Variants in ITPRID1 observed in about 807,000 individuals in gnomAD.
ITPRID1 encodes the protein protein ITPRID1.
ITPRID1 carries 96 observed loss-of-function variants against 95.4 expected under a neutral mutation model. That is an observed-to-expected ratio of 1.01 (90% CI 0.85 to 1.19). The LOEUF (loss-of-function observed/expected upper bound fraction) is 1.19. Ranked by LOEUF, ITPRID1 falls within the 50% of genes most tolerant of loss-of-function variation. The probability of loss-of-function intolerance (pLI) is 0.00; values close to 1 mark genes in which losing one functional copy is unlikely to be tolerated. For missense variants in ITPRID1, 1,339 were observed against 1,252.9 expected (o/e 1.07, Z -1.04); for synonymous variants, 510 against 453.6 (o/e 1.12, Z -1.58).
chr7:31,598,484 A>G (rs1376617898), intron 10 of ITPRID1, among the ~76,000 whole-genome samples: 1 of 147,642 alleles, frequency 6.8e-6, no homozygotes, highest in Admixed American at 6.8e-5. Flanking sequence ...GCTCACTGCA[A>G]GCTCCGCCTC....
intron 1 of ITPRID1, among the ~76,000 whole-genome samples, chr7:31,541,805 A>G (rs1783941465): frequency 6.6e-6 from 1 of 152,162 alleles, no homozygotes; most frequent in Admixed American, 6.6e-5. Flanking sequence ...CCATATGGTA[A>G]GATTTTTATA....
intron 10 of ITPRID1, among the ~76,000 whole-genome samples, chr7:31,603,925 C>T (rs1365537931): frequency 4.6e-5 from 7 of 152,208 alleles, no homozygotes; most frequent in East Asian, 3.9e-4. Flanking sequence ...CCTCCAGGAA[C>T]GCTGCTCCCT....
Position 31,643,169 on chromosome 7 carries a change from C to T in ITPRID1, c.1799C>T (p.Pro600Leu). ...CACCACAATGAGTCTCAAAGGTCACCTGGAAATGATCATACTCAAGACAAG... is the reference window on the plus strand; with the variant it reads ...CACCACAATGAGTCTCAAAGGTCACTTGGAAATGATCATACTCAAGACAAG... Reference protein sequence around the residue: ...QSHHNESQRSPGNDHTQDKFL... With the variant: ...QSHHNESQRSLGNDHTQDKFL... Residue 600 changes from proline (P) to leucine (L), a missense_variant, in exon 12 of 15, where the codon CCT becomes CTT. Pro to Leu is a moderately conservative substitution (Grantham distance 98). Transcript: ENST00000615280. 1.2e-6 allele frequency: 2 copies of T among 1,613,966 alleles called. No individual in the cohort carries two copies. Among genetic ancestry groups the T allele is most frequent in the Non-Finnish European group, 1.7e-6 (2 of 1,179,892 alleles).
In ITPRID1 at chr7:31,583,183, G is replaced by C. The variant is rs544905117; in HGVS notation, c.1220G>C (p.Gly407Ala). 6.2e-7 allele frequency: 1 copy of C among 1,608,516 alleles called. No homozygotes were observed. Residue 407 changes from glycine to alanine, a missense_variant, in exon 10 of 15, where the codon GGA (glycine) becomes GCA (alanine). Gly to Ala is a moderately conservative substitution (Grantham distance 60). Coordinates refer to ENST00000615280, the MANE Select transcript of ITPRID1 (RefSeq NM_001257967.3). The part of the protein sequence containing the change: ...ETGNPLDMTS[G>A]TVGARVDRAN... ...GGTAATCCTCTTGACATGACTTCAG[G>C]AACTGTAGGTAAGAATTCATCAAGG...
At chr7:31,574,377 A>T (rs922960366) in intron 7 of ITPRID1, among the ~76,000 whole-genome samples, 163 bp from the exon 8 acceptor site, 1 of 152,176 alleles carries the variant, frequency 6.6e-6, no homozygotes, top group Non-Finnish European at 1.5e-5. Flanking sequence ...GGTGCCAGAT[A>T]GTCCTTTAAG....
intron 10 of ITPRID1, among the ~76,000 whole-genome samples, chr7:31,607,463 C>G (rs1786674499): frequency 2.0e-5 from 3 of 152,022 alleles, no homozygotes; most frequent in Admixed American, 1.3e-4. Flanking sequence ...ATTTCTTGGT[C>G]CGAAATTATT....
At chr7:31,595,070 CTTTTTTTTTT>C (rs958852739) in intron 10 of ITPRID1, among the ~76,000 whole-genome samples, 2 of 127,446 alleles carry the variant, frequency 1.6e-5, no homozygotes, top group Non-Finnish European at 3.4e-5. Context: ...TTTATAATTT[CTTTTTTTTTT>C]TTTTTTTTTG....
intron 1 of ITPRID1, among the ~76,000 whole-genome samples, chr7:31,535,455 T>C (rs1783728266): frequency 6.6e-6 from 1 of 151,970 alleles, no homozygotes; most frequent in Non-Finnish European, 1.5e-5. Flanking sequence ...AATTAATAAT[T>C]ATATATGTAT....
rs761308636 is a variant in ITPRID1, at chr7:31,651,949, G to A, written c.2722G>A (p.Glu908Lys). 8.2e-6 allele frequency: 13 copies of A among 1,594,620 alleles called. No homozygotes were observed. The highest frequency in any genetic ancestry group is 4.5e-5 in the East Asian group (2 of 44,078). The change falls in exon 14 of 15, where the codon GAG becomes AAG. Residue 908 changes from glutamate to lysine, a missense_variant. Physicochemically the swap from Glu to Lys is moderately conservative, Grantham distance 56 (BLOSUM62 1). Transcript: ENST00000615280. ...ATTATTTACTTGCAGGGAGGAGGCCGAGCAACTGCAAACGTTACGTGAGGC... is the reference window on the plus strand; with the variant it reads ...ATTATTTACTTGCAGGGAGGAGGCCAAGCAACTGCAAACGTTACGTGAGGC... ...DMSEEEREEAEQLQTLREALR... is the reference protein window; with the variant it reads ...DMSEEEREEAKQLQTLREALR...
chr7:31,651,936 C>T lies in ITPRID1; in HGVS notation c.2712-3C>T. ...TTGGTTATTTTCTATTATTTACTTG[C>T]AGGGAGGAGGCCGAGCAACTGCAAA... On this transcript the variant is annotated splice_region_variant and splice_polypyrimidine_tract_variant and intron_variant, in intron 13 of 14. Coordinates refer to ENST00000615280, the MANE Select transcript of ITPRID1 (RefSeq NM_001257967.3). 3.8e-6 allele frequency: 6 copies of T among 1,581,992 alleles called. No homozygotes were observed. The highest frequency in any genetic ancestry group is 4.3e-6 in the Non-Finnish European group (5 of 1,162,836).
Position 31,653,403 on chromosome 7 carries a change from A to C in ITPRID1, c.*574A>C, listed in dbSNP as rs1310419110. 6.5e-6 allele frequency: 1 copy of C among 152,990 alleles called. No homozygotes were observed. The highest frequency in any genetic ancestry group is 1.4e-5 in the Non-Finnish European group (1 of 68,982). 9.5% of individuals were successfully genotyped at this position (152,990 alleles called of 1,614,324 possible). ...CTCAGTGGATCTGCACTTTTACAGA[A>C]GGTAAAATAAACATAGGGCAGAGGA... is the stretch of plus-strand genomic sequence containing the variant. On this transcript the variant is annotated 3_prime_UTR_variant, in exon 15 of 15. Transcript: ENST00000615280.
chr7:31,601,004 C>T (rs2128159926), intron 10 of ITPRID1, among the ~76,000 whole-genome samples: 1 of 152,238 alleles, frequency 6.6e-6, no homozygotes, highest in Non-Finnish European at 1.5e-5. Context: ...TGCCTAGCCA[C>T]CTGTAAGACT....
chr7:31,643,086 C>T lies in ITPRID1; in HGVS notation c.1716C>T (p.His572=), dbSNP rs546082086. The T allele has an allele frequency of 1.5e-5, 24 of 1,613,982 alleles. No individual in the cohort carries two copies. In the East Asian group the frequency reaches 3.1e-4, roughly 21 times the overall value. ...ATCCTCTGGGGTTTATGGTAACCCA[C>T]GTCACAGAAATGCAGGACAGTTTTG... ...YDHPLGFMVT[H]VTEMQDSFVR... The change falls in exon 12 of 15, where the codon CAC becomes CAT. Residue 572 remains histidine (H), a synonymous_variant. Transcript: ENST00000615280.
At chr7:31,547,144 G>A (rs1365188352) in intron 1 of ITPRID1, among the ~76,000 whole-genome samples, 1 of 129,176 alleles carries the variant, frequency 7.7e-6, no homozygotes, top group Admixed American at 8.2e-5. Context: ...AAAGAGAAGG[G>A]AAGGTGTGGA....
At chr7:31,602,267 G>A (rs772394812) in intron 10 of ITPRID1, among the ~76,000 whole-genome samples, 2 of 152,130 alleles carry the variant, frequency 1.3e-5, no homozygotes, top group Non-Finnish European at 2.9e-5. Flanking sequence ...TCCCAGGTTG[G>A]CAGCAACAAG....
chr7:31,638,179 A>G (rs1406095606), intron 10 of ITPRID1, among the ~76,000 whole-genome samples: 1 of 152,232 alleles, frequency 6.6e-6, no homozygotes, highest in African/African-American at 2.4e-5. Flanking sequence ...CACAGTTGAT[A>G]TAAGGAGGAA....
At chr7:31,547,848 A>T (rs1784151221) in intron 1 of ITPRID1, among the ~76,000 whole-genome samples, 1 of 152,148 alleles carries the variant, frequency 6.6e-6, no homozygotes. Flanking sequence ...GTGTATAGAC[A>T]TTCAAGTGGA....
intron 1 of ITPRID1, among the ~76,000 whole-genome samples, chr7:31,540,372 A>G (rs1783895437): frequency 1.3e-5 from 2 of 152,214 alleles, no homozygotes; most frequent in Non-Finnish European, 2.9e-5. Context: ...TCTAGTTTTC[A>G]GTTCATAGGG....
chr7:31,562,630 G>A (rs1990376), intron 5 of ITPRID1, among the ~76,000 whole-genome samples: 1 of 152,000 alleles, frequency 6.6e-6, no homozygotes, highest in East Asian at 1.9e-4. Context: ...TGTTTTAGGT[G>A]AAGGGAACAA....
Sources: allele counts gnomAD v4.1 joint callset (sites outside exome capture counted in the v4.1 genomes callset), GRCh38; gene constraint gnomAD v4.1.1; transcripts MANE v1.5; gene names NCBI Gene and HGNC (gene_info 2026-07-23, HGNC 2026-07-21).